Variants in COL6A5 observed in about 807,000 individuals in gnomAD.
The protein encoded by COL6A5 is collagen type VI alpha 5 chain.
Under a neutral mutation model 65.6 loss-of-function variants are expected in COL6A5, and 48 were observed. The observed-to-expected ratio is 0.73, with a 90% CI of 0.58 to 0.93. The LOEUF is 0.93. Ranked by LOEUF, COL6A5 falls within the 40% of genes least tolerant of loss-of-function variation. The pLI, the probability that COL6A5 is intolerant of heterozygous loss-of-function variation, is 0.00. For missense variants in COL6A5, 914 were observed against 928.3 expected (o/e 0.98, Z 0.20); for synonymous variants, 291 against 322.8 (o/e 0.90, Z 1.05).
upstream of COL6A5, among the ~76,000 whole-genome samples, chr3:130,428,231 G>A (rs1937650292): frequency 6.6e-6 from 1 of 152,136 alleles, no homozygotes; most frequent in African/African-American, 2.4e-5. Flanking sequence ...ACTCCAGGAT[G>A]CAGACTGGAG....
chr3:130,390,052 G>A (rs2107652016), intron 6 of COL6A5, among the ~76,000 whole-genome samples: 1 of 152,260 alleles, frequency 6.6e-6, no homozygotes, highest in East Asian at 1.9e-4. Context: ...TAGTTCTAAA[G>A]TTTCCTTGGT....
chr3:130,440,005 G>C lies in COL6A5; in HGVS notation c.582-161G>C, dbSNP rs567903741. 3.3e-5 allele frequency among the ~76,000 whole-genome samples: 5 copies of C among 152,226 alleles called. No homozygotes were observed. In the East Asian group the frequency reaches 7.7e-4, roughly 24 times the overall value. On this transcript the variant is annotated intron_variant, in intron 2 of 7. Coordinates refer to ENST00000512836, the Ensembl canonical transcript of COL6A5. ...CTGCTAGTGCCCGGAGAAGTACCGG[G>C]ACATTGAAAATTTCTCATTAATTTA...
In COL6A5 at chr3:130,368,128, A is replaced by G. The variant is rs532558062; in HGVS notation, c.-28-5483A>G. Among the ~76,000 whole-genome samples the G allele has an allele frequency of 6.6e-5, 10 of 152,296 alleles. No individual in the cohort carries two copies. In the East Asian group the frequency reaches 7.7e-4, roughly 12 times the overall value. On this transcript the variant is annotated intron_variant and NMD_transcript_variant, in intron 1 of 41. Coordinates refer to the COL6A5 transcript ENST00000312481. ...CTCTGCCTTTTGAAAAGATGGAACC[A>G]GGATGGTTTACACAGCCTCTCCTGC...
At chr3:130,372,897 G>C (rs1935619921) in intron 1 of COL6A5, among the ~76,000 whole-genome samples, 1 of 152,088 alleles carries the variant, frequency 6.6e-6, no homozygotes, top group South Asian at 2.1e-4. Context: ...TATTTTTTGA[G>C]TATCGGCCAT....
chr3:130,410,613 AT>A lies in COL6A5; in HGVS notation c.4662+91del. 4.5e-6 allele frequency: 5 copies of A among 1,111,414 alleles called. 1 individual carries two copies. In the South Asian group the frequency reaches 7.1e-5, roughly 16 times the overall value. The allele number at this position is 1,111,414 out of a possible 1,614,324, so 68.8% of individuals were successfully genotyped here. ...AATATTTGTTGTGCACAGTTGGCTG[AT>A]TCAGGGCTGAAATATTTTTCAGGGC... On this transcript the variant is annotated intron_variant and NMD_transcript_variant, in intron 20 of 41. Transcript: ENST00000312481.
chr3:130,439,750 C>A, intron 2 of COL6A5, 135 bp downstream of exon 34: 1 of 676,520 alleles, frequency 1.5e-6, no homozygotes. Flanking sequence ...TTTTCAATAC[C>A]ATATGTCATG....
intron 7 of COL6A5, 29 bp downstream of exon 7, chr3:130,391,783 G>C (rs1242121471): frequency 1.4e-6 from 2 of 1,476,912 alleles, no homozygotes; most frequent in Non-Finnish European, 9.1e-7. Flanking sequence ...AGTTTCTATG[G>C]GGGTAGCAAT....
intron 1 of COL6A5, among the ~76,000 whole-genome samples, chr3:130,371,125 A>T (rs1935538101): frequency 6.6e-6 from 1 of 152,198 alleles, no homozygotes. Flanking sequence ...AATTCTTATG[A>T]TCTCCTATAT....
At chr3:130,376,807 A>G (rs1232423558) in exon 3 of COL6A5, 1 of 1,613,162 alleles carries the variant, frequency 6.2e-7, no homozygotes. Context: ...ACCAAGTATA[A>G]GGAGGGAGCC....
exon 5 of COL6A5, chr3:130,455,569 T>C (rs1312334623): frequency 6.2e-7 from 1 of 1,613,008 alleles, no homozygotes; most frequent in East Asian, 2.2e-5. Context: ...GAAGTGACTA[T>C]TTGGTTTACC....
intron 8 of COL6A5, among the ~76,000 whole-genome samples, chr3:130,396,817 TA>T (rs1240111517): frequency 1.3e-5 from 2 of 152,234 alleles, no homozygotes; most frequent in African/African-American, 4.8e-5. Context: ...TTGTAACCTC[TA>T]AAACTTAAAT....
intron 4 of COL6A5, among the ~76,000 whole-genome samples, chr3:130,382,698 A>G (rs534077388): frequency 5.6e-4 from 85 of 152,242 alleles, no homozygotes; most frequent in African/African-American, 1.9e-3. Context: ...CAACGCTCAG[A>G]GAAACAATCT....
At chr3:130,362,256 C>CTCTCTCTCTCTCTCTT (rs1935137887) in intron 1 of COL6A5, among the ~76,000 whole-genome samples, 1 of 138,322 alleles carries the variant, frequency 7.2e-6, no homozygotes, top group Non-Finnish European at 1.5e-5. Context: ...GTTTCTTTCT[C>CTCTCTCTCTCTCTCTT]TCTCTCTCTC....
intron 20 of COL6A5, among the ~76,000 whole-genome samples, chr3:130,411,204 C>T (rs1937165600): frequency 6.6e-6 from 1 of 152,116 alleles, no homozygotes; most frequent in Admixed American, 6.5e-5. Context: ...AAAGGAGCAA[C>T]CAAGAAATCG....
chr3:130,397,221 G>T (rs1373421080), intron 8 of COL6A5, among the ~76,000 whole-genome samples: 2 of 152,120 alleles, frequency 1.3e-5, no homozygotes, highest in Non-Finnish European at 1.5e-5. Context: ...CCATTAAAAT[G>T]CACGCCCACA....
intron 4 of COL6A5, among the ~76,000 whole-genome samples, chr3:130,454,326 C>T (rs1226730865): frequency 6.6e-6 from 1 of 152,162 alleles, no homozygotes; most frequent in Non-Finnish European, 1.5e-5. Flanking sequence ...TCCTCTGTTA[C>T]ATGATGACAT....
chr3:130,455,568 A>G (rs758613185), exon 5 of COL6A5: 6 of 1,612,888 alleles, frequency 3.7e-6, no homozygotes, highest in South Asian at 1.1e-5. Context: ...GGAAGTGACT[A>G]TTTGGTTTAC....
At chr3:130,433,517 C>T (rs373558168) in intron 1 of COL6A5, among the ~76,000 whole-genome samples, 13 of 152,302 alleles carry the variant, frequency 8.5e-5, no homozygotes, top group South Asian at 8.3e-4. Context: ...CTGCATATCA[C>T]GCCTTGAGCA....
intron 13 of COL6A5, among the ~76,000 whole-genome samples, 195 bp downstream of exon 13, chr3:130,403,857 C>CT (rs1304217008): frequency 2.0e-5 from 3 of 151,864 alleles, no homozygotes; most frequent in Non-Finnish European, 4.4e-5. Context: ...TATTTTTGTG[C>CT]TTTTTTGTGG....
Sources: allele counts gnomAD v4.1 joint callset (sites outside exome capture counted in the v4.1 genomes callset), GRCh38; gene constraint gnomAD v4.1.1; transcripts MANE v1.5; gene names NCBI Gene and HGNC (gene_info 2026-07-23, HGNC 2026-07-21).